The following IL1R1 variants were observed in gnomAD, a reference collection of about 807,000 sequenced individuals.
IL1R1 encodes interleukin-1 receptor type 1.
In IL1R1, 22 loss-of-function variants were observed where a neutral mutation model predicts 50.2. That is an observed-to-expected ratio of 0.44 (90% CI 0.31 to 0.63). IL1R1 has a LOEUF of 0.63. IL1R1 is among the 20% of genes least tolerant of loss of function. The pLI is 0.07. For synonymous variants in IL1R1, 251 were observed against 236.7 expected (o/e 1.06, Z -0.55); for missense variants, 509 against 676.2 (o/e 0.75, Z 2.74).
intron 1 of IL1R1, among the ~76,000 whole-genome samples, chr2:102,148,419 G>A (rs911300555): frequency 3.3e-5 from 5 of 152,178 alleles, no homozygotes; most frequent in African/African-American, 1.2e-4. Flanking sequence ...TTAGGACAGT[G>A]CCTCTCGGAT....
chr2:102,076,767 T>C (rs572449458), intron 1 of IL1R1, among the ~76,000 whole-genome samples: 79 of 152,270 alleles, frequency 5.2e-4, no homozygotes, highest in African/African-American at 1.9e-3. Context: ...TGATGTACCT[T>C]AGTGTAGTTG....
rs977574418 is a variant in IL1R1 at position 102,179,482 on chromosome 2, CA to C, written c.*2729del. 3.0e-4 allele frequency: 45 copies of C among 152,526 alleles called. No individual in the cohort carries two copies. Among genetic ancestry groups the C allele is most frequent in the Non-Finnish European group, 8.8e-5 (6 of 68,012 alleles). 9.4% of individuals were successfully genotyped at this position (152,526 alleles called of 1,614,324 possible). On this transcript the variant is annotated 3_prime_UTR_variant, in exon 12 of 12. Transcript: ENST00000410023. The stretch of plus-strand genomic sequence containing the variant: ...ACTTATTGTCCCCACTAAAACAAAA[CA>C]AAAAACTTTTAATGCCTTCCACATT...
At chr2:102,075,050 G>GT (rs1382465206) in intron 1 of IL1R1, among the ~76,000 whole-genome samples, 1 of 151,938 alleles carries the variant, frequency 6.6e-6, no homozygotes, top group African/African-American at 2.4e-5. Flanking sequence ...TTTTTCTCTT[G>GT]TTTTTTGAGT....
At chr2:102,135,380 C>CCCCTAACCTACAAAGTAACCCTAA (rs1484477498) in intron 1 of IL1R1, among the ~76,000 whole-genome samples, 1 of 152,114 alleles carries the variant, frequency 6.6e-6, no homozygotes, top group African/African-American at 2.4e-5. Context: ...ACACTCCTCA[C>CCCCTAACCTACAAAGTAACCCTAA]CCCTACAAAG....
At chr2:102,102,819 T>C (rs1680200961), upstream of IL1R1, among the ~76,000 whole-genome samples, 1 of 152,164 alleles carries the variant, frequency 6.6e-6, no homozygotes, top group Admixed American at 6.5e-5. Flanking sequence ...TATGCAGCCA[T>C]GAAAAAGAAC....
chr2:102,157,679 T>C (rs199616986), intron 2 of IL1R1, 40 bp from the exon 3 acceptor site: 9 of 1,337,904 alleles, frequency 6.7e-6, no homozygotes, highest in Non-Finnish European at 9.7e-6. Context: ...AAAAGTAACA[T>C]TTTTGCTTTT....
intron 1 of IL1R1, among the ~76,000 whole-genome samples, chr2:102,137,278 C>T (rs1411855324): frequency 6.6e-6 from 1 of 152,152 alleles, no homozygotes; most frequent in Non-Finnish European, 1.5e-5. Context: ...TATTATTTTG[C>T]TAGAATCTAC....
chr2:102,147,527 C>G (rs1314813352), intron 1 of IL1R1, among the ~76,000 whole-genome samples: 1 of 152,130 alleles, frequency 6.6e-6, no homozygotes, highest in East Asian at 1.9e-4. Flanking sequence ...AAGCACAAGG[C>G]AGGGCATTTA....
chr2:102,158,851 G>A (rs1296116870), intron 3 of IL1R1, among the ~76,000 whole-genome samples: 1 of 152,164 alleles, frequency 6.6e-6, no homozygotes, highest in East Asian at 1.9e-4. Flanking sequence ...AAATAGAGAA[G>A]CCAGTGAAGA....
At chr2:102,070,906 G>C (rs1279891391) in intron 1 of IL1R1, among the ~76,000 whole-genome samples, 1 of 152,130 alleles carries the variant, frequency 6.6e-6, no homozygotes, top group Admixed American at 6.5e-5. Context: ...GTGGCTTGGG[G>C]AAGGTGTGTA....
At chr2:102,135,919 G>C (rs1325026981) in intron 1 of IL1R1, among the ~76,000 whole-genome samples, 1 of 152,074 alleles carries the variant, frequency 6.6e-6, no homozygotes, top group African/African-American at 2.4e-5. Context: ...GTTTCCAGAG[G>C]CTACATGAAT....
intron 5 of IL1R1, among the ~76,000 whole-genome samples, chr2:102,165,806 A>G (rs1685133390): frequency 1.3e-5 from 2 of 152,232 alleles, no homozygotes; most frequent in African/African-American, 4.8e-5. Context: ...CGTAATATCA[A>G]TGAAGTGCAG....
chr2:102,141,275 C>T (rs1379071146), upstream of IL1R1, among the ~76,000 whole-genome samples: 2 of 152,248 alleles, frequency 1.3e-5, no homozygotes, highest in Admixed American at 6.5e-5. Context: ...GCTTTAAAAA[C>T]ACTGCCTTTT....
intron 3 of IL1R1, among the ~76,000 whole-genome samples, chr2:102,164,084 T>G (rs1322091627): frequency 6.6e-6 from 1 of 152,162 alleles, no homozygotes; most frequent in Non-Finnish European, 1.5e-5. Flanking sequence ...CTCCAGTTCG[T>G]TTGGTAGTCC....
intron 1 of IL1R1, among the ~76,000 whole-genome samples, chr2:102,110,057 G>A (rs1181813749): frequency 6.6e-6 from 1 of 152,100 alleles, no homozygotes; most frequent in African/African-American, 2.4e-5. Context: ...TTTTGGAGTG[G>A]TAACACAATT....
At chr2:102,126,487 T>G (rs1681714703) in intron 1 of IL1R1, among the ~76,000 whole-genome samples, 1 of 152,190 alleles carries the variant, frequency 6.6e-6, no homozygotes, top group Non-Finnish European at 1.5e-5. Flanking sequence ...AATTTATACG[T>G]ATTAAAACTG....
At chr2:102,085,036 G>T (rs777938921) in intron 1 of IL1R1, among the ~76,000 whole-genome samples, 17 of 152,060 alleles carry the variant, frequency 1.1e-4, no homozygotes, top group Non-Finnish European at 1.3e-4. Context: ...ATTTTCTTTT[G>T]TTAAGGATCA....
chr2:102,172,533 T>G, intron 8 of IL1R1, 154 bp from the exon 9 acceptor site: 1 of 1,098,494 alleles, frequency 9.1e-7, no homozygotes, highest in Non-Finnish European at 1.2e-6. Context: ...AGATTAGTGT[T>G]GCCAGCAGTC....
chr2:102,148,813 TAAC>T (rs1025728267), intron 1 of IL1R1, among the ~76,000 whole-genome samples: 2 of 152,186 alleles, frequency 1.3e-5, no homozygotes, highest in African/African-American at 4.8e-5. Flanking sequence ...TTTTTGTTTT[TAAC>T]AATGATGGGG....
Sources: allele counts gnomAD v4.1 joint callset (sites outside exome capture counted in the v4.1 genomes callset), GRCh38; gene constraint gnomAD v4.1.1; transcripts MANE v1.5; gene names NCBI Gene and HGNC (gene_info 2026-07-23, HGNC 2026-07-21).